PDHX: variants seen among roughly 807,000 people sequenced by gnomAD.
The protein encoded by PDHX is pyruvate dehydrogenase protein X component, mitochondrial.
PDHX carries 33 observed loss-of-function variants against 55.3 expected under a neutral mutation model. That is an observed-to-expected ratio of 0.60 (90% CI 0.45 to 0.80). The LOEUF (loss-of-function observed/expected upper bound fraction) is 0.80, where lower values mean the gene tolerates loss of function less well. PDHX is among the 30% of genes least tolerant of loss of function. The probability of loss-of-function intolerance (pLI) is 0.00; values close to 1 mark genes in which losing one functional copy is unlikely to be tolerated. For synonymous variants in PDHX, 226 were observed against 219.4 expected (o/e 1.03, Z -0.27); for missense variants, 622 against 619.9 (o/e 1.00, Z -0.04).
In PDHX at chr11:34,934,007, C is replaced by CAT. The variant is rs1321872461; in HGVS notation, c.241+2524_241+2525insTA. ...TGAAAACGTAATAAATGGAAAGACTCAAGCATTTTTCTCTACCTCTTCTGC... is the reference window on the plus strand; with the variant it reads ...TGAAAACGTAATAAATGGAAAGACTCATAAGCATTTTTCTCTACCTCTTCTGC... On this transcript the variant is annotated intron_variant, in intron 2 of 10. Transcript: ENST00000227868. Among the ~76,000 whole-genome samples the CAT allele has an allele frequency of 1.2e-3, 182 of 152,222 alleles. 1 individual carries two copies. Among genetic ancestry groups the CAT allele is most frequent in the Non-Finnish European group, 2.9e-5 (2 of 68,012 alleles).
At chr11:34,951,815 G>T (rs561520528) in intron 3 of PDHX, among the ~76,000 whole-genome samples, 1 of 152,224 alleles carries the variant, frequency 6.6e-6, no homozygotes, top group South Asian at 2.1e-4. Flanking sequence ...TTCTTCTAGG[G>T]TTTTTATGGT....
chr11:34,957,682 C>A, intron 4 of PDHX, 99 bp downstream of exon 4: 1 of 974,166 alleles, frequency 1.0e-6, no homozygotes, highest in Non-Finnish European at 1.6e-6. Context: ...CGTTGTACAT[C>A]ACGTAGGAAG....
At chr11:34,936,783 CTT>C (rs58582234) in intron 2 of PDHX, among the ~76,000 whole-genome samples, 1 of 79,000 alleles carries the variant, frequency 1.3e-5, no homozygotes, top group South Asian at 5.1e-4. Context: ...CTTTTCTTTT[CTT>C]TTTTTTTTTT....
chr11:34,985,225 G>A (rs929841797), intron 9 of PDHX, among the ~76,000 whole-genome samples: 6 of 152,158 alleles, frequency 3.9e-5, no homozygotes, highest in African/African-American at 1.2e-4. Context: ...GGTGGATCCC[G>A]AGGTCAGGAG....
At chr11:34,930,414 C>T (rs1344464890) in intron 1 of PDHX, among the ~76,000 whole-genome samples, 1 of 152,226 alleles carries the variant, frequency 6.6e-6, no homozygotes, top group African/African-American at 2.4e-5. Flanking sequence ...CATTAGTGCT[C>T]AATTTCCTTG....
intron 1 of PDHX, among the ~76,000 whole-genome samples, chr11:34,920,120 A>G (rs770343879): frequency 1.3e-5 from 2 of 152,260 alleles, no homozygotes; most frequent in Non-Finnish European, 2.9e-5. Flanking sequence ...CCCAGAGACC[A>G]GAGTGATCAT....
chr11:34,948,332 T>G (rs1333474271), intron 3 of PDHX, among the ~76,000 whole-genome samples: 1 of 152,188 alleles, frequency 6.6e-6, no homozygotes, highest in Non-Finnish European at 1.5e-5. Flanking sequence ...AACTGGATAA[T>G]AAGTATCCAT....
At chr11:34,988,010 C>A (rs576940953) in intron 9 of PDHX, among the ~76,000 whole-genome samples, 1 of 152,168 alleles carries the variant, frequency 6.6e-6, no homozygotes. Context: ...GTTTGAGTCT[C>A]GTCAGTATTT....
At chr11:34,931,506 G>T in intron 2 of PDHX, 22 bp downstream of exon 2, 1 of 1,334,278 alleles carries the variant, frequency 7.5e-7, no homozygotes, top group Non-Finnish European at 1.1e-6. Context: ...CCTTCCTAAT[G>T]TCCTGTGTGC....
chr11:34,945,311 A>G (rs535120236), intron 2 of PDHX, among the ~76,000 whole-genome samples: 1 of 152,290 alleles, frequency 6.6e-6, no homozygotes, highest in East Asian at 1.9e-4. Flanking sequence ...AGTAGTTAAC[A>G]TTTTAGTAAT....
intron 9 of PDHX, among the ~76,000 whole-genome samples, chr11:34,991,641 G>T (rs1326632775): frequency 2.0e-5 from 3 of 152,008 alleles, no homozygotes; most frequent in Non-Finnish European, 2.9e-5. Flanking sequence ...AGGCATGGTG[G>T]CTCATACCTG....
chr11:34,975,735 C>A (rs914155350), intron 7 of PDHX, among the ~76,000 whole-genome samples: 2 of 152,158 alleles, frequency 1.3e-5, no homozygotes, highest in Admixed American at 6.6e-5. Context: ...ATTCAGTTCA[C>A]CTGTTTGCTT....
intron 3 of PDHX, among the ~76,000 whole-genome samples, chr11:34,949,057 A>C (rs74939634): frequency 0.014 from 2,090 of 152,238 alleles, 47 homozygotes; most frequent in African/African-American, 0.048. Context: ...GTGGGAGTGC[A>C]TATAGTTGAT....
At chr11:34,955,443 T>C (rs1263402227) in intron 3 of PDHX, among the ~76,000 whole-genome samples, 1 of 152,208 alleles carries the variant, frequency 6.6e-6, no homozygotes, top group African/African-American at 2.4e-5. Flanking sequence ...TTAATGACTT[T>C]AAATGGAATT....
chr11:34,972,620 A>C (rs188090205), intron 7 of PDHX, among the ~76,000 whole-genome samples: 20 of 152,148 alleles, frequency 1.3e-4, no homozygotes, highest in African/African-American at 4.6e-4. Context: ...GCTGGTCTCA[A>C]ACTCCTGGCC....
chr11:34,963,533 G>A (rs1855064525), intron 5 of PDHX, among the ~76,000 whole-genome samples: 1 of 152,124 alleles, frequency 6.6e-6, no homozygotes, highest in Non-Finnish European at 1.5e-5. Context: ...TCCCACCTCA[G>A]CCTCTCGAAG....
rs749644848 is a variant in PDHX at position 34,947,546 on chromosome 11, G to A, written c.282G>A (p.Glu94=). 1.2e-6 allele frequency: 2 copies of A among 1,613,686 alleles called. No individual in the cohort carries two copies. Among genetic ancestry groups the A allele is most frequent in the African/African-American group, 2.7e-5 (2 of 75,042 alleles). The change falls in exon 3 of 11, where the codon GAG becomes GAA. Residue 94 remains glutamate (E), a synonymous_variant. Coordinates refer to ENST00000227868, the MANE Select transcript of PDHX (RefSeq NM_003477.3). ...CTGGAGATGCATTATGTGAAATTGA[G>A]ACTGACAAAGCTGTGGTTACCTTAG... is the stretch of plus-strand genomic sequence containing the variant. The part of the protein sequence containing the change: ...VSAGDALCEI[E]TDKAVVTLDA...
intron 10 of PDHX, 95 bp downstream of exon 10, chr11:34,992,474 T>G (rs1855775589): frequency 1.4e-6 from 1 of 707,664 alleles, no homozygotes. Flanking sequence ...GAAATATTTT[T>G]TAAAATTTAA....
chr11:34,973,797 G>T (rs1855304558), intron 7 of PDHX, among the ~76,000 whole-genome samples: 1 of 151,912 alleles, frequency 6.6e-6, no homozygotes, highest in African/African-American at 2.4e-5. Context: ...AAACTCTTTT[G>T]GAGTTTTAAA....
Sources: allele counts gnomAD v4.1 joint callset (sites outside exome capture counted in the v4.1 genomes callset), GRCh38; gene constraint gnomAD v4.1.1; transcripts MANE v1.5; gene names NCBI Gene and HGNC (gene_info 2026-07-23, HGNC 2026-07-21).